ABCB1: variants seen among roughly 807,000 people sequenced by gnomAD.
ABCB1 encodes the protein ATP binding cassette subfamily B member 1.
In ABCB1, 69 loss-of-function variants were observed where a neutral mutation model predicts 142.0. The observed-to-expected ratio is 0.49, with a 90% confidence interval of 0.40 to 0.59. The LOEUF (loss-of-function observed/expected upper bound fraction) is 0.59, where lower values mean the gene tolerates loss of function less well. Among genes scored for constraint, ABCB1 ranks in the 20% least tolerant of loss-of-function variants. The pLI, the probability that ABCB1 is intolerant of heterozygous loss-of-function variation, is 0.00. For synonymous variants in ABCB1, 532 were observed against 539.2 expected (o/e 0.99, Z 0.18); for missense variants, 1,326 against 1,554.7 (o/e 0.85, Z 2.47).
chr7:87,510,330 G>T (rs1814952918), intron 25 of ABCB1, among the ~76,000 whole-genome samples: 1 of 152,188 alleles, frequency 6.6e-6, no homozygotes, highest in Non-Finnish European at 1.5e-5. Flanking sequence ...GGTGAACAGG[G>T]GTAGGAAAGG....
chr7:87,578,740 C>CTGG (rs1818379195), intron 4 of ABCB1, among the ~76,000 whole-genome samples: 1 of 139,192 alleles, frequency 7.2e-6, no homozygotes, highest in South Asian at 2.2e-4. Flanking sequence ...GTCGCCCAGG[C>CTGG]TGGAGTGCAG....
chr7:87,617,310 A>G (rs982646180), intron 1 of ABCB1, among the ~76,000 whole-genome samples: 11 of 152,224 alleles, frequency 7.2e-5, no homozygotes, highest in Non-Finnish European at 1.0e-4. Flanking sequence ...TCTTTTTGAT[A>G]GAAGATAACA....
At chr7:87,697,145 C>T (rs190730014) in intron 1 of ABCB1, among the ~76,000 whole-genome samples, 9 of 152,160 alleles carry the variant, frequency 5.9e-5, no homozygotes, top group Admixed American at 1.3e-4. Context: ...TTCCTTAAAA[C>T]GGAAAATCTT....
intron 1 of ABCB1, among the ~76,000 whole-genome samples, chr7:87,651,268 C>A (rs146439624): frequency 2.0e-5 from 3 of 152,126 alleles, no homozygotes; most frequent in East Asian, 1.9e-4. Flanking sequence ...GCATTCCAGG[C>A]ATTATGTTTA....
At chr7:87,673,077 A>C (rs1160240569) in intron 1 of ABCB1, among the ~76,000 whole-genome samples, 1 of 152,174 alleles carries the variant, frequency 6.6e-6, no homozygotes, top group African/African-American at 2.4e-5. Flanking sequence ...TTTCTGCTGA[A>C]AGGTTTGCTG....
intron 1 of ABCB1, among the ~76,000 whole-genome samples, chr7:87,688,454 G>GT (rs551788475): frequency 1.2e-3 from 183 of 149,916 alleles, no homozygotes; most frequent in African/African-American, 3.4e-3. Context: ...TTTCATGTTT[G>GT]TTTTTTTTCA....
At chr7:87,609,386 T>C (rs981375711) in intron 1 of ABCB1, among the ~76,000 whole-genome samples, 2 of 152,180 alleles carry the variant, frequency 1.3e-5, no homozygotes, top group African/African-American at 4.8e-5. Flanking sequence ...ATGTTTGAGC[T>C]TGCAAGAGAA....
At chr7:87,697,492 G>A (rs1346392478) in intron 1 of ABCB1, among the ~76,000 whole-genome samples, 1 of 152,154 alleles carries the variant, frequency 6.6e-6, no homozygotes, top group South Asian at 2.1e-4. Context: ...ACTTTAGAAT[G>A]GTTGATGATG....
intron 1 of ABCB1, among the ~76,000 whole-genome samples, chr7:87,670,639 T>C (rs1825732675): frequency 6.6e-6 from 1 of 152,238 alleles, no homozygotes; most frequent in Non-Finnish European, 1.5e-5. Context: ...TTAAGTATAG[T>C]CAACAGACTT....
chr7:87,556,704 C>T (rs151239205), intron 8 of ABCB1, among the ~76,000 whole-genome samples: 4 of 152,238 alleles, frequency 2.6e-5, no homozygotes, highest in Non-Finnish European at 4.4e-5. Flanking sequence ...TTTGACTTCT[C>T]GCATCCATTC....
chr7:87,693,853 T>C (rs2130658276), intron 1 of ABCB1: 1 of 1,572,954 alleles, frequency 6.4e-7, no homozygotes, highest in Admixed American at 1.7e-5. Context: ...ACTGTAAACA[T>C]GATGGCAGGT....
intron 1 of ABCB1, among the ~76,000 whole-genome samples, chr7:87,618,987 A>G (rs971960743): frequency 6.6e-6 from 1 of 152,198 alleles, no homozygotes; most frequent in Non-Finnish European, 1.5e-5. Flanking sequence ...TCTCCAGTTG[A>G]GGACATAGCT....
At chr7:87,619,555 A>AG in intron 1 of ABCB1, among the ~76,000 whole-genome samples, 1 of 151,580 alleles carries the variant, frequency 6.6e-6, no homozygotes, top group South Asian at 2.1e-4. Context: ...AAAAAAAAAA[A>AG]GTAAACTTGA....
chr7:87,517,051 C>T (rs920090672), intron 23 of ABCB1, among the ~76,000 whole-genome samples: 1 of 152,098 alleles, frequency 6.6e-6, no homozygotes, highest in African/African-American at 2.4e-5. Context: ...GTTGACACTT[C>T]TATAACCAGA....
At chr7:87,576,030 A>C (rs1346441737) in intron 4 of ABCB1, among the ~76,000 whole-genome samples, 1 of 152,144 alleles carries the variant, frequency 6.6e-6, no homozygotes, top group Non-Finnish European at 1.5e-5. Context: ...TATGTCTATA[A>C]ATTATGGGTT....
rs899269564 is a variant in ABCB1 at position 87,681,161 on chromosome 7, T to C, written c.-331+32000A>G. Among the ~76,000 whole-genome samples, 3 of 150,626 alleles carry C rather than the reference T, an allele frequency of 2.0e-5. 1 individual carries two copies. In the East Asian group the frequency reaches 5.9e-4, roughly 30 times the overall value. On this transcript the variant is annotated intron_variant, in intron 1 of 28. Transcript: ENST00000265724. Reference sequence around the variant, plus strand: ...AAGAAGTAGATAACACAAATAGTCCTATATCTATTAAAGAAGTTGAATCAG... The same window carrying C: ...AAGAAGTAGATAACACAAATAGTCCCATATCTATTAAAGAAGTTGAATCAG...
intron 14 of ABCB1, among the ~76,000 whole-genome samples, chr7:87,546,561 A>T (rs934627285): frequency 1.5e-4 from 23 of 149,920 alleles, no homozygotes; most frequent in African/African-American, 3.2e-4. Context: ...ATCTCAAAAA[A>T]AAAAAATAAA....
At chr7:87,639,527 C>T (rs1430504366) in intron 1 of ABCB1, among the ~76,000 whole-genome samples, 2 of 151,876 alleles carry the variant, frequency 1.3e-5, no homozygotes, top group African/African-American at 2.4e-5. Flanking sequence ...GTCTGTTTCT[C>T]CTTTTAGTTT....
intron 1 of ABCB1, among the ~76,000 whole-genome samples, chr7:87,671,767 G>T (rs1278744213): frequency 6.6e-6 from 1 of 152,136 alleles, no homozygotes; most frequent in Non-Finnish European, 1.5e-5. Context: ...CTGTGCTGGA[G>T]GTCCACTTCA....
Sources: allele counts gnomAD v4.1 joint callset (sites outside exome capture counted in the v4.1 genomes callset), GRCh38; gene constraint gnomAD v4.1.1; transcripts MANE v1.5; gene names NCBI Gene and HGNC (gene_info 2026-07-23, HGNC 2026-07-21).